The following ITGA2 variants were observed in gnomAD, a reference collection of about 807,000 sequenced individuals.
ITGA2 encodes integrin alpha-2.
A neutral mutation model predicts 146.3 loss-of-function variants in ITGA2; 101 were observed. The observed-to-expected ratio is 0.69, with a 90% CI of 0.59 to 0.81. ITGA2 has a LOEUF of 0.81. Among genes scored for constraint, ITGA2 ranks in the 40% least tolerant of loss-of-function variants. The pLI is 0.00. For missense variants in ITGA2, 1,281 were observed against 1,402.7 expected (o/e 0.91, Z 1.39); for synonymous variants, 477 against 487.1 (o/e 0.98, Z 0.27).
intron 12 of ITGA2, among the ~76,000 whole-genome samples, 180 bp from the exon 13 acceptor site, chr5:53,062,606 G>A (rs932970917): frequency 6.6e-6 from 1 of 151,894 alleles, no homozygotes; most frequent in Non-Finnish European, 1.5e-5. Context: ...TAAGAACCAG[G>A]TGTTAGATGG....
intron 7 of ITGA2, among the ~76,000 whole-genome samples, chr5:53,054,003 G>A (rs1339187976): frequency 6.6e-6 from 1 of 152,114 alleles, no homozygotes; most frequent in Non-Finnish European, 1.5e-5. Flanking sequence ...CACTCAGAAA[G>A]GATCTGATGT....
chr5:52,999,217 T>C (rs561889425), intron 1 of ITGA2, among the ~76,000 whole-genome samples: 1 of 152,306 alleles, frequency 6.6e-6, no homozygotes, highest in African/African-American at 2.4e-5. Flanking sequence ...GATTACCTTC[T>C]GTCCTATTTA....
At chr5:53,032,533 G>A (rs2111841602) in intron 2 of ITGA2, among the ~76,000 whole-genome samples, 1 of 152,276 alleles carries the variant, frequency 6.6e-6, no homozygotes, top group African/African-American at 2.4e-5. Context: ...AATAAAGATA[G>A]GGGAAGCTAA....
intron 23 of ITGA2, among the ~76,000 whole-genome samples, chr5:53,076,018 C>T (rs1472598426): frequency 1.3e-5 from 2 of 152,014 alleles, no homozygotes; most frequent in Non-Finnish European, 1.5e-5. Context: ...GGACAGGTGT[C>T]TTGGTAAGTG....
chr5:53,012,625 G>A (rs531703751), intron 1 of ITGA2, among the ~76,000 whole-genome samples: 1 of 152,096 alleles, frequency 6.6e-6, no homozygotes, highest in Non-Finnish European at 1.5e-5. Flanking sequence ...CTAATAATGG[G>A]ATTGCTGGGT....
chr5:53,044,972 A>C (rs755659606), intron 3 of ITGA2, 29 bp from the exon 4 acceptor site: 1 of 1,512,182 alleles, frequency 6.6e-7, no homozygotes, highest in Admixed American at 1.7e-5. Context: ...ATTTTTAATC[A>C]CTTTTAAAAA....
At chr5:52,990,570 T>A (rs79803814) in intron 1 of ITGA2, among the ~76,000 whole-genome samples, 2 of 4,540 alleles carry the variant, frequency 4.4e-4, no homozygotes, top group Non-Finnish European at 9.0e-3. Context: ...TGTGTGTGGT[T>A]TTTTTTTTTT....
intron 1 of ITGA2, among the ~76,000 whole-genome samples, chr5:53,014,109 T>G (rs1742287024): frequency 6.6e-6 from 1 of 152,178 alleles, no homozygotes; most frequent in South Asian, 2.1e-4. Flanking sequence ...CTTGTTTGAT[T>G]GCTTTGGCTG....
At chr5:53,036,756 CT>C (rs75190928) in intron 2 of ITGA2, among the ~76,000 whole-genome samples, 1 of 151,910 alleles carries the variant, frequency 6.6e-6, no homozygotes, top group African/African-American at 2.4e-5. Context: ...AGGCTAGAAA[CT>C]TTTTTACTGA....
Position 53,093,118 on chromosome 5 carries a change from A to AC in ITGA2, c.*2519_*2520insC, listed in dbSNP as rs199635147. ...AGACTCTGTCTCAAACAAACAAACA[A>AC]AAAAAAAGTTAGTACTGTATATGTA... On this transcript the variant is annotated 3_prime_UTR_variant, in exon 30 of 30. Transcript: ENST00000296585. The AC allele has an allele frequency of 6.6e-6, 1 of 151,800 alleles. No homozygotes were observed. The highest frequency in any genetic ancestry group is 2.4e-5 in the African/African-American group (1 of 41,312). 9.4% of individuals were successfully genotyped at this position (151,800 alleles called of 1,614,324 possible). A position where few individuals can be genotyped will look rare whatever the true frequency, so the allele number is the denominator to read the frequency against.
chr5:53,002,476 A>G (rs1370045230), intron 1 of ITGA2, among the ~76,000 whole-genome samples: 1 of 152,150 alleles, frequency 6.6e-6, no homozygotes, highest in East Asian at 1.9e-4. Flanking sequence ...AGATATACTC[A>G]CTATATGCAA....
intron 27 of ITGA2, among the ~76,000 whole-genome samples, chr5:53,084,660 G>A (rs897500419): frequency 6.7e-6 from 1 of 150,318 alleles, no homozygotes; most frequent in African/African-American, 2.5e-5. Context: ...TTTAAGACGT[G>A]AAGCGTGCCG....
At position 53,035,665 on chromosome 5, in the gene ITGA2, A is replaced by G. The variant is rs1743454617; in HGVS notation, c.186-6447A>G. Among the ~76,000 whole-genome samples the G allele has an allele frequency of 2.0e-5, 3 of 152,360 alleles. No homozygotes were observed. In the South Asian group the frequency reaches 6.2e-4, roughly 32 times the overall value. ...GTCTTCCTTCTTCCCAGAGACGGGC[A>G]GCCTTCACGGGTGAATTCTTTCCAT... On this transcript the variant is annotated intron_variant, in intron 2 of 29. Transcript: ENST00000296585.
At chr5:53,061,492 A>G (rs1213770671) in intron 12 of ITGA2, among the ~76,000 whole-genome samples, 1 of 151,956 alleles carries the variant, frequency 6.6e-6, no homozygotes, top group Non-Finnish European at 1.5e-5. Flanking sequence ...GAGCAGCACA[A>G]CATTATAAGG....
chr5:53,078,070 T>G (rs1745743423), intron 23 of ITGA2, among the ~76,000 whole-genome samples: 1 of 151,964 alleles, frequency 6.6e-6, no homozygotes, highest in African/African-American at 2.4e-5. Flanking sequence ...CCTATGAGGG[T>G]TTCTCTGATC....
Position 53,064,933 on chromosome 5 carries a change from T to G in ITGA2, c.1624T>G (p.Phe542Val). The G allele has an allele frequency of 6.2e-7, 1 of 1,612,726 alleles. No individual in the cohort carries two copies. Among genetic ancestry groups the G allele is most frequent in the East Asian group, 2.2e-5 (1 of 44,810 alleles). Residue 542 changes from phenylalanine (F) to valine (V), a missense_variant, in exon 14 of 30, where the codon TTT becomes GTT. By Grantham distance (50) the Phe-to-Val change is conservative (BLOSUM62 -1). Transcript: ENST00000296585. ...IKEGILGQHQFLEGPEGIENT... is the reference protein window; with the variant it reads ...IKEGILGQHQVLEGPEGIENT... ...CAAGGGCATTTTGGGTCAGCACCAA[T>G]TTCTTGAAGGCCCCGAGGGCATTGA...
In ITGA2 at chr5:53,093,443, T is replaced by C. The variant is rs1282926574; in HGVS notation, c.*2844T>C. 6.6e-6 allele frequency: 1 copy of C among 152,180 alleles called. No homozygotes were observed. The highest frequency in any genetic ancestry group is 1.5e-5 in the Non-Finnish European group (1 of 68,040). 9.4% of individuals were successfully genotyped at this position (152,180 alleles called of 1,614,324 possible). On this transcript the variant is annotated 3_prime_UTR_variant, in exon 30 of 30. Transcript: ENST00000296585. Reference sequence around the variant, plus strand: ...CCAGGTGATTCTTCCTTGCAGGGGCTGTCCTGTACCTTGTAGGACAGCAGC... The same window carrying C: ...CCAGGTGATTCTTCCTTGCAGGGGCCGTCCTGTACCTTGTAGGACAGCAGC...
At chr5:53,045,260 T>C (rs1257300155) in intron 4 of ITGA2, among the ~76,000 whole-genome samples, 168 bp downstream of exon 4, 1 of 152,168 alleles carries the variant, frequency 6.6e-6, no homozygotes, top group Non-Finnish European at 1.5e-5. Flanking sequence ...ATAATGTTGA[T>C]GTGTAGACTT....
chr5:53,066,473 A>G (rs913143361), intron 15 of ITGA2, among the ~76,000 whole-genome samples: 1 of 151,906 alleles, frequency 6.6e-6, no homozygotes, highest in Admixed American at 6.6e-5. Flanking sequence ...TTCAGAGAGA[A>G]CAGTGTGAAG....
Sources: allele counts gnomAD v4.1 joint callset (sites outside exome capture counted in the v4.1 genomes callset), GRCh38; gene constraint gnomAD v4.1.1; transcripts MANE v1.5; gene names NCBI Gene and HGNC (gene_info 2026-07-23, HGNC 2026-07-21).